The following MPRIP variants were observed in gnomAD, a reference collection of about 807,000 sequenced individuals.
MPRIP encodes the protein myosin phosphatase Rho interacting protein.
In MPRIP, 59 loss-of-function variants were observed where a neutral mutation model predicts 234.9. That is an observed-to-expected ratio of 0.25 (90% CI 0.20 to 0.31). The LOEUF is 0.31. Ranked by LOEUF, MPRIP falls within the 10% of genes least tolerant of loss-of-function variation. MPRIP has a pLI of 1.00. For synonymous variants in MPRIP, 1,144 were observed against 1,263.9 expected, an observed-to-expected ratio of 0.91 and a Z score of 2.01; for missense variants, 2,436 against 3,071.0, an observed-to-expected ratio of 0.79 and a Z score of 4.89.
rs540330529 is a variant in MPRIP, at chr17:17,164,923, G to C, written c.3332G>C (p.Arg1111Thr). ...QSLCDERDLL[R>T]QRFQELTERV... ...CTCTGTGACGAGCGGGACCTCCTCAGACAGCGGTTCCAGGAGCTGACAGAG... is the reference window on the plus strand; with the variant it reads ...CTCTGTGACGAGCGGGACCTCCTCACACAGCGGTTCCAGGAGCTGACAGAG... Residue 1111 changes from arginine to threonine, a missense_variant, in exon 16 of 24, where the codon AGA becomes ACA. By Grantham distance (71) the Arg-to-Thr change is moderately conservative. This residue lies in a region of MPRIP where 1,998 missense variants were observed against 2,520.3 expected (regional missense o/e 0.79). Coordinates refer to ENST00000651222, the MANE Select transcript of MPRIP (RefSeq NM_001364716.4). 6.0e-5 allele frequency: 78 copies of C among 1,303,886 alleles called. No individual in the cohort carries two copies. The East Asian group carries it at 3.7e-3, about 62-fold the overall frequency. The allele number at this position is 1,303,886 out of a possible 1,614,324, so 80.8% of individuals were successfully genotyped here. A position where few individuals can be genotyped will look rare whatever the true frequency, so the allele number is the denominator to read the frequency against.
At chr17:17,112,540 C>T (rs2090193666) in intron 3 of MPRIP, among the ~76,000 whole-genome samples, 2 of 152,208 alleles carry the variant, frequency 1.3e-5, no homozygotes, top group South Asian at 2.1e-4. Flanking sequence ...TGCCCCTGTC[C>T]TCTGTACGTG....
At chr17:17,100,208 G>C (rs2089931688) in intron 3 of MPRIP, among the ~76,000 whole-genome samples, 1 of 152,160 alleles carries the variant, frequency 6.6e-6, no homozygotes, top group East Asian at 1.9e-4. Context: ...AAGAGATTCT[G>C]ACTTGAGATC....
chr17:17,145,882 C>T (rs371940132), intron 9 of MPRIP, among the ~76,000 whole-genome samples, 154 bp from the exon 10 acceptor site: 1 of 152,210 alleles, frequency 6.6e-6, no homozygotes, highest in Non-Finnish European at 1.5e-5. Flanking sequence ...CAGGCAGCAC[C>T]CACCAGGGTG....
rs1443153957 is a variant in MPRIP at position 17,143,427 on chromosome 17, A to G, written c.1390-129A>G. The G allele has an allele frequency of 9.0e-6, 5 of 553,708 alleles. No homozygotes were observed. In the African/African-American group the frequency reaches 9.9e-5, roughly 11 times the overall value. 34.3% of individuals were successfully genotyped at this position (553,708 alleles called of 1,614,324 possible). A position where few individuals can be genotyped will look rare whatever the true frequency, so the allele number is the denominator to read the frequency against. ...CTGCTGCAGACTTGCTATGGTGGCT[A>G]GGCAGATCACTGCCCCTCGCCAGGA... On this transcript the variant is annotated intron_variant, in intron 8 of 23. Transcript: ENST00000651222.
chr17:17,179,902 T>A, intron 22 of MPRIP, 101 bp from the exon 23 acceptor site: 4 of 920,856 alleles, frequency 4.3e-6, no homozygotes, highest in Non-Finnish European at 6.9e-6. Context: ...CTAAGTATGC[T>A]GCAGTAGGAA....
At chr17:17,063,919 G>T (rs982279221) in intron 1 of MPRIP, among the ~76,000 whole-genome samples, 1 of 152,236 alleles carries the variant, frequency 6.6e-6, no homozygotes, top group Admixed American at 6.5e-5. Flanking sequence ...CCCGCTTGGG[G>T]CAGTTGGGCA....
intron 1 of MPRIP, among the ~76,000 whole-genome samples, chr17:17,069,996 T>C (rs1390586028): frequency 6.6e-6 from 1 of 152,206 alleles, no homozygotes; most frequent in Non-Finnish European, 1.5e-5. Flanking sequence ...TTCCCTTTCA[T>C]TCCTGAAGGA....
At chr17:17,157,909 T>C (rs2045765521) in intron 13 of MPRIP, among the ~76,000 whole-genome samples, 1 of 152,176 alleles carries the variant, frequency 6.6e-6, no homozygotes, top group African/African-American at 2.4e-5. Flanking sequence ...GTGCTAGTTT[T>C]CCCTCATTCT....
chr17:17,142,140 CA>C (rs1485860157), intron 7 of MPRIP: 3 of 158,768 alleles, frequency 1.9e-5, no homozygotes, highest in Non-Finnish European at 4.2e-5. Flanking sequence ...CACATGAAAT[CA>C]GCCTGCTTTG....
chr17:17,182,132 T>C lies in MPRIP; in HGVS notation c.7206+2044T>C, dbSNP rs1201515545. 2.0e-5 allele frequency: 3 copies of C among 152,192 alleles called. No homozygotes were observed. The East Asian group carries it at 5.8e-4, about 29-fold the overall frequency. The allele number at this position is 152,192 out of a possible 1,614,324, so 9.4% of individuals were successfully genotyped here. On this transcript the variant is annotated intron_variant, in intron 23 of 23. Transcript: ENST00000651222. The stretch of plus-strand genomic sequence containing the variant: ...AGACATTAGGAGGCACAGGCATGGG[T>C]GGGTGTCATCCTTTTCCTCAACTGT...
At chr17:17,151,432 G>T (rs1046546585) in intron 12 of MPRIP, among the ~76,000 whole-genome samples, 9 of 152,200 alleles carry the variant, frequency 5.9e-5, no homozygotes, top group Non-Finnish European at 8.8e-5. Flanking sequence ...GGGGCAGTGC[G>T]CAGAGCATTG....
chr17:17,139,087 G>A (rs1054927788), intron 7 of MPRIP, among the ~76,000 whole-genome samples: 1 of 152,240 alleles, frequency 6.6e-6, no homozygotes, highest in Admixed American at 6.5e-5. Flanking sequence ...TCCGGGCCTA[G>A]GGCAGGGACC....
chr17:17,082,548 G>A (rs1215911309), intron 3 of MPRIP, among the ~76,000 whole-genome samples: 1 of 152,062 alleles, frequency 6.6e-6, no homozygotes, highest in Admixed American at 6.6e-5. Flanking sequence ...GCCCGCCTCG[G>A]CCTCCCAAAG....
intron 1 of MPRIP, among the ~76,000 whole-genome samples, chr17:17,067,627 G>C (rs936173268): frequency 6.6e-6 from 1 of 152,150 alleles, no homozygotes; most frequent in African/African-American, 2.4e-5. Flanking sequence ...GATGGAGGAG[G>C]GGGGAACTAC....
intron 1 of MPRIP, among the ~76,000 whole-genome samples, chr17:17,066,876 C>T (rs911027513): frequency 1.3e-5 from 2 of 151,632 alleles, no homozygotes; most frequent in African/African-American, 4.8e-5. Flanking sequence ...CATGCCTCAG[C>T]CTCCCACGTA....
intron 4 of MPRIP, among the ~76,000 whole-genome samples, chr17:17,130,622 C>G (rs777807069): frequency 6.6e-5 from 10 of 152,096 alleles, no homozygotes; most frequent in Admixed American, 1.3e-4. Flanking sequence ...GCAGGCCCAG[C>G]GTGGACCCTG....
intron 3 of MPRIP, among the ~76,000 whole-genome samples, chr17:17,106,404 G>C (rs139330172): frequency 1.3e-5 from 2 of 152,216 alleles, no homozygotes; most frequent in African/African-American, 4.8e-5. Context: ...CATGCCTGGC[G>C]TGGGCAGAAC....
Position 17,042,907 on chromosome 17 carries a change from G to A in MPRIP, c.59G>A (p.Ser20Asn), listed in dbSNP as rs753882682. 5.0e-6 allele frequency: 8 copies of A among 1,610,434 alleles called. No individual in the cohort carries two copies. The highest frequency in any genetic ancestry group is 5.9e-6 in the Non-Finnish European group (7 of 1,179,094). Residue 20 changes from serine (S) to asparagine (N), a missense_variant, in exon 1 of 24, where the codon AGC becomes AAC. Around this residue, in one of 4 missense-constraint regions of MPRIP, gnomAD observed 140 missense variants for 207.3 expected, o/e 0.68. Transcript: ENST00000651222. Reference sequence around the variant, plus strand: ...TTCCAGGCCAACATCTTCAACAAGAGCAAGTGTCAGAACTGCTTCAAGCCC... The same window carrying A: ...TTCCAGGCCAACATCTTCAACAAGAACAAGTGTCAGAACTGCTTCAAGCCC... ...RKFQANIFNK[S>N]KCQNCFKPRE...
At chr17:17,148,106 A>G (rs759299911) in intron 11 of MPRIP, among the ~76,000 whole-genome samples, 25 of 152,288 alleles carry the variant, frequency 1.6e-4, no homozygotes, top group Non-Finnish European at 2.5e-4. Flanking sequence ...AAGGGCCGGG[A>G]TATGTATTAA....
Sources: gnomAD v4.1 joint callset for allele counts (sites outside exome capture counted in the v4.1 genomes callset) on GRCh38, gnomAD v4.1.1 for gene constraint, gnomAD v4.1.1 regional missense constraint, MANE v1.5 for transcripts, NCBI Gene and HGNC (gene_info 2026-07-23, HGNC 2026-07-21) for gene names.